COL5A2: variants seen among roughly 807,000 people sequenced by gnomAD.
COL5A2 encodes collagen alpha-2(V) chain.
Under a neutral mutation model 208.2 loss-of-function variants are expected in COL5A2, and 23 were observed. That is an observed-to-expected ratio of 0.11 (90% CI 0.08 to 0.16). The LOEUF (loss-of-function observed/expected upper bound fraction) is 0.16, where lower values mean the gene tolerates loss of function less well. Among genes scored for constraint, COL5A2 ranks in the 10% least tolerant of loss-of-function variants. The probability of loss-of-function intolerance (pLI) is 1.00; values close to 1 mark genes in which losing one functional copy is unlikely to be tolerated. For missense variants in COL5A2, 1,590 were observed against 1,956.4 expected, an observed-to-expected ratio of 0.81 and a Z score of 3.53; for synonymous variants, 625 against 628.5, an observed-to-expected ratio of 0.99 and a Z score of 0.08.
chr2:189,330,637 A>C, the COL5A2 span, among the ~76,000 whole-genome samples: 2 of 152,160 alleles, frequency 1.3e-5, no homozygotes, highest in African/African-American at 4.8e-5. Context: ...AAACATAGTG[A>C]TGTCCAGAGT....
the COL5A2 span, among the ~76,000 whole-genome samples, chr2:189,393,167 T>A: frequency 2.0e-5 from 3 of 152,276 alleles, no homozygotes; most frequent in South Asian, 2.1e-4. Context: ...CTTTTTTTTT[T>A]AATCTTCAAA....
chr2:189,039,615 T>G lies in COL5A2; in HGVS notation c.3634-52A>C, dbSNP rs749375583. 5.1e-6 allele frequency: 8 copies of G among 1,564,528 alleles called. No homozygotes were observed. In the South Asian group the frequency reaches 8.0e-5, roughly 16 times the overall value. On this transcript the variant is annotated intron_variant, in intron 50 of 53. Transcript: ENST00000374866. ...TTTAACACATTGTTTTTGTTTTACTTAACTGGTAGAACTTGGTTCATAGGG... is the reference window on the plus strand; with the variant it reads ...TTTAACACATTGTTTTTGTTTTACTGAACTGGTAGAACTTGGTTCATAGGG...
chr2:189,226,787 T>G (rs1345429614), upstream of COL5A2, among the ~76,000 whole-genome samples: 1 of 152,100 alleles, frequency 6.6e-6, no homozygotes, highest in Non-Finnish European at 1.5e-5. Context: ...TCCAGCTTTT[T>G]GAGGGGCTGC....
At chr2:189,169,790 C>T (rs531257606) in intron 1 of COL5A2, among the ~76,000 whole-genome samples, 17 of 152,234 alleles carry the variant, frequency 1.1e-4, no homozygotes, top group Non-Finnish European at 2.2e-4. Context: ...CAGCTCACTG[C>T]AACCTCGCCT....
the COL5A2 span, among the ~76,000 whole-genome samples, chr2:189,435,432 C>G: frequency 6.6e-6 from 1 of 152,068 alleles, no homozygotes; most frequent in South Asian, 2.1e-4. Context: ...ACCCATCTGA[C>G]AAAGGGCTAA....
chr2:189,078,614 A>T, intron 15 of COL5A2, 45 bp from the exon 16 acceptor site: 1 of 1,478,530 alleles, frequency 6.8e-7, no homozygotes, highest in African/African-American at 1.4e-5. Context: ...ACCTAATTTG[A>T]AATGTAGAGT....
At chr2:189,052,311 A>T in intron 40 of COL5A2, 86 bp from the exon 41 acceptor site, 1 of 1,238,714 alleles carries the variant, frequency 8.1e-7, no homozygotes, top group Non-Finnish European at 1.2e-6. Context: ...TCACAGGAAG[A>T]CTGAAGCCTT....
At chr2:189,199,891 C>T (rs1041954797) in intron 1 of COL5A2, among the ~76,000 whole-genome samples, 10 of 152,284 alleles carry the variant, frequency 6.6e-5, no homozygotes, top group South Asian at 2.1e-4. Flanking sequence ...TTGACCATTA[C>T]AGGTTGCATC....
At chr2:189,097,558 T>C (rs1686947119) in intron 5 of COL5A2, 1 of 675,816 alleles carries the variant, frequency 1.5e-6, no homozygotes, top group East Asian at 2.9e-5. Flanking sequence ...TAGGTGCACA[T>C]TATGGCATCA....
At chr2:189,167,921 CT>C (rs1423336328) in intron 1 of COL5A2, among the ~76,000 whole-genome samples, 2 of 150,290 alleles carry the variant, frequency 1.3e-5, no homozygotes, top group African/African-American at 4.9e-5. Flanking sequence ...CCTCAAGTCT[CT>C]TTTTTCCCAG....
At chr2:189,158,369 C>T (rs1438845818) in intron 1 of COL5A2, among the ~76,000 whole-genome samples, 1 of 151,986 alleles carries the variant, frequency 6.6e-6, no homozygotes, top group Non-Finnish European at 1.5e-5. Flanking sequence ...AGTATTAACA[C>T]AGTGCAAATA....
the COL5A2 span, among the ~76,000 whole-genome samples, chr2:189,359,589 G>A: frequency 2.6e-5 from 4 of 152,130 alleles, no homozygotes; most frequent in African/African-American, 9.7e-5. Flanking sequence ...CATAGAATGA[G>A]AATAGAAGTA....
At chr2:189,320,662 T>C in the COL5A2 span, among the ~76,000 whole-genome samples, 7 of 152,188 alleles carry the variant, frequency 4.6e-5, no homozygotes, top group Non-Finnish European at 1.0e-4. Context: ...AATATGGGAC[T>C]ATGTGAAAAG....
chr2:189,265,022 C>T, the COL5A2 span, among the ~76,000 whole-genome samples: 2 of 152,078 alleles, frequency 1.3e-5, no homozygotes, highest in African/African-American at 4.8e-5. Flanking sequence ...AGGCAGAGAG[C>T]CTCTTCAGAA....
the COL5A2 span, among the ~76,000 whole-genome samples, chr2:189,245,701 C>A: frequency 6.6e-6 from 1 of 151,968 alleles, no homozygotes; most frequent in Non-Finnish European, 1.5e-5. Context: ...GTCTCGATCT[C>A]CTGACCTCGT....
rs573319037 is a variant in COL5A2, at chr2:189,056,155, C to T, written c.2391+818G>A. ...ATTATAACCAATGTATTAACAATGA[C>T]TCAATGTGCAGAACCAAATAGCAGT... is the stretch of plus-strand genomic sequence containing the variant. On this transcript the variant is annotated intron_variant, in intron 35 of 53. Coordinates refer to ENST00000374866, the MANE Select transcript of COL5A2 (RefSeq NM_000393.5). 3.3e-5 allele frequency among the ~76,000 whole-genome samples: 5 copies of T among 152,248 alleles called. No homozygotes were observed. In the South Asian group the frequency reaches 1.0e-3, roughly 32 times the overall value.
chr2:189,356,593 A>G, the COL5A2 span, among the ~76,000 whole-genome samples: 5 of 152,168 alleles, frequency 3.3e-5, no homozygotes, highest in Non-Finnish European at 5.9e-5. Context: ...CAGGTCATGT[A>G]TGCTCTTCTC....
intron 1 of COL5A2, among the ~76,000 whole-genome samples, chr2:189,194,747 C>G (rs540593789): frequency 6.6e-6 from 1 of 152,108 alleles, no homozygotes; most frequent in African/African-American, 2.4e-5. Context: ...TCATAAATAG[C>G]TCTTATTATT....
chr2:189,201,756 T>G (rs1487423222), intron 1 of COL5A2, among the ~76,000 whole-genome samples: 1 of 151,770 alleles, frequency 6.6e-6, no homozygotes, highest in Non-Finnish European at 1.5e-5. Context: ...GAACAACATA[T>G]AAGCTAAGAG....
Sources: gnomAD v4.1 joint callset for allele counts (sites outside exome capture counted in the v4.1 genomes callset) on GRCh38, gnomAD v4.1.1 for gene constraint, MANE v1.5 for transcripts, NCBI Gene and HGNC (gene_info 2026-07-23, HGNC 2026-07-21) for gene names.